FTCDNL1: variants seen among roughly 807,000 people sequenced by gnomAD.
The protein encoded by FTCDNL1 is formiminotransferase N-terminal subdomain-containing protein.
A neutral mutation model predicts 5.9 loss-of-function variants in FTCDNL1; 11 were observed. The ratio of observed to expected loss-of-function variants is 1.87; its 90% CI spans 1.18 to 3.10. The LOEUF (loss-of-function observed/expected upper bound fraction) is 3.10. Among genes scored for constraint, FTCDNL1 ranks in the 30% most tolerant of loss-of-function variants. The pLI, the probability that FTCDNL1 is intolerant of heterozygous loss-of-function variation, is 0.00. For synonymous variants in FTCDNL1, 58 were observed against 24.8 expected (o/e 2.34, Z -3.99); for missense variants, 115 against 65.5 (o/e 1.76, Z -2.61).
chr2:199,766,720 T>C (rs987393954), intron 3 of FTCDNL1, among the ~76,000 whole-genome samples: 1 of 152,174 alleles, frequency 6.6e-6, no homozygotes, highest in South Asian at 2.1e-4. Context: ...GTCAGCTTGA[T>C]GGTTAATGAT....
At chr2:199,821,112 G>A (rs1313426613) in intron 3 of FTCDNL1, among the ~76,000 whole-genome samples, 2 of 152,130 alleles carry the variant, frequency 1.3e-5, no homozygotes, top group Non-Finnish European at 2.9e-5. Flanking sequence ...CCACTGGGGT[G>A]TAAAAAGTCT....
At chr2:199,813,912 C>CAAAAAA (rs397987315) in intron 4 of FTCDNL1, among the ~76,000 whole-genome samples, 73 of 106,356 alleles carry the variant, frequency 6.9e-4, no homozygotes, top group Non-Finnish European at 9.1e-4. Context: ...GACTCTGTCT[C>CAAAAAA]AAAAAAAAAA....
intron 3 of FTCDNL1, among the ~76,000 whole-genome samples, chr2:199,839,944 A>G (rs77666402): frequency 0.017 from 2,637 of 152,290 alleles, 87 homozygotes; most frequent in African/African-American, 0.061. Flanking sequence ...CACCAAAACG[A>G]CACCATAAAC....
chr2:199,734,659 G>A, the FTCDNL1 span, among the ~76,000 whole-genome samples: 1 of 152,134 alleles, frequency 6.6e-6, no homozygotes, highest in Admixed American at 6.5e-5. Flanking sequence ...CAGTGAACAT[G>A]CTGGTATTTC....
intron 3 of FTCDNL1, among the ~76,000 whole-genome samples, chr2:199,796,214 G>A (rs978828874): frequency 6.6e-6 from 1 of 152,152 alleles, no homozygotes; most frequent in Non-Finnish European, 1.5e-5. Context: ...AAAATTTTGT[G>A]CAAGTTTATC....
At chr2:199,844,792 A>G (rs912465528) in intron 3 of FTCDNL1, among the ~76,000 whole-genome samples, 4 of 151,502 alleles carry the variant, frequency 2.6e-5, no homozygotes, top group African/African-American at 9.7e-5. Flanking sequence ...ATACTATTTG[A>G]TTTTTTTTTA....
chr2:199,732,625 GAA>G, the FTCDNL1 span, among the ~76,000 whole-genome samples: 8 of 148,356 alleles, frequency 5.4e-5, no homozygotes, highest in Non-Finnish European at 1.5e-5. Flanking sequence ...ATCACTGAAT[GAA>G]AAAAAAAAGT....
At chr2:199,718,697 A>T in the FTCDNL1 span, among the ~76,000 whole-genome samples, 1 of 152,170 alleles carries the variant, frequency 6.6e-6, no homozygotes, top group Admixed American at 6.5e-5. Context: ...TTTACTCTGC[A>T]TCGTTACCAA....
intron 3 of FTCDNL1, among the ~76,000 whole-genome samples, chr2:199,775,980 A>C (rs1448223828): frequency 6.9e-6 from 1 of 145,800 alleles, no homozygotes; most frequent in Non-Finnish European, 1.5e-5. Flanking sequence ...GTGGCGCGAT[A>C]TCAGCTCACT....
chr2:199,748,650 G>A, the FTCDNL1 span, among the ~76,000 whole-genome samples: 21 of 152,094 alleles, frequency 1.4e-4, no homozygotes, highest in African/African-American at 4.6e-4. Flanking sequence ...TACTATTAGC[G>A]ATAGTTCTAA....
chr2:199,747,042 CA>C, the FTCDNL1 span, among the ~76,000 whole-genome samples: 1 of 151,466 alleles, frequency 6.6e-6, no homozygotes, highest in Non-Finnish European at 1.5e-5. Flanking sequence ...CACACACACA[CA>C]CACACACACA....
chr2:199,719,536 G>C, the FTCDNL1 span, among the ~76,000 whole-genome samples: 10 of 152,182 alleles, frequency 6.6e-5, no homozygotes, highest in East Asian at 1.9e-3. Context: ...ATGAATTTTA[G>C]GGTTGTTTTT....
At chr2:199,726,200 A>G in the FTCDNL1 span, among the ~76,000 whole-genome samples, 1 of 152,112 alleles carries the variant, frequency 6.6e-6, no homozygotes, top group East Asian at 1.9e-4. Flanking sequence ...TTGTGGTTGC[A>G]TTGTGACGTT....
chr2:199,678,593 G>A, the FTCDNL1 span, among the ~76,000 whole-genome samples: 1 of 151,628 alleles, frequency 6.6e-6, no homozygotes, highest in Non-Finnish European at 1.5e-5. Flanking sequence ...TTTTTGGGTT[G>A]TAAAAAATAT....
chr2:199,788,312 G>A (rs1699758551), intron 3 of FTCDNL1, among the ~76,000 whole-genome samples: 1 of 152,306 alleles, frequency 6.6e-6, no homozygotes, highest in East Asian at 1.9e-4. Context: ...CTAGCTGAGA[G>A]AGGGAAGAAG....
the FTCDNL1 span, among the ~76,000 whole-genome samples, chr2:199,729,977 C>T: frequency 6.6e-6 from 1 of 152,150 alleles, no homozygotes; most frequent in Non-Finnish European, 1.5e-5. Flanking sequence ...GTAACCAAAG[C>T]AGCATGGTAC....
At chr2:199,681,645 G>A in the FTCDNL1 span, among the ~76,000 whole-genome samples, 8 of 152,076 alleles carry the variant, frequency 5.3e-5, no homozygotes, top group East Asian at 3.9e-4. Flanking sequence ...TGTTTCTCCC[G>A]TCGGAGAAAC....
the FTCDNL1 span, among the ~76,000 whole-genome samples, chr2:199,755,194 T>C: frequency 3.3e-5 from 5 of 152,216 alleles, no homozygotes; most frequent in African/African-American, 9.6e-5. Context: ...ACTGGGTACT[T>C]GGTTCATATG....
chr2:199,729,100 C>T, the FTCDNL1 span, among the ~76,000 whole-genome samples: 14 of 152,162 alleles, frequency 9.2e-5, no homozygotes, highest in Admixed American at 2.0e-4. Context: ...AGCTACTCTG[C>T]GATGAGATGA....
Sources: gnomAD v4.1 joint callset for allele counts (sites outside exome capture counted in the v4.1 genomes callset) on GRCh38, gnomAD v4.1.1 for gene constraint, MANE v1.5 for transcripts, NCBI Gene and HGNC (gene_info 2026-07-23, HGNC 2026-07-21) for gene names.